Variants in ZNF496 observed in about 807,000 individuals in gnomAD.
ZNF496 encodes the protein NSD1 (nuclear receptor binding SET-domain containing 1)-interacting zinc finger protein 1.
A neutral mutation model predicts 58.9 loss-of-function variants in ZNF496; 11 were observed. The ratio of observed to expected loss-of-function variants is 0.19; its 90% CI spans 0.12 to 0.31. ZNF496 has a LOEUF of 0.31. Among genes scored for constraint, ZNF496 ranks in the 10% least tolerant of loss-of-function variants. ZNF496 has a pLI of 1.00. For missense variants in ZNF496, 660 were observed against 783.0 expected, an observed-to-expected ratio of 0.84 and a Z score of 1.88; for synonymous variants, 338 against 318.2, an observed-to-expected ratio of 1.06 and a Z score of -0.66.
At chr1:247,301,693 G>A (rs74154606) in intron 9 of ZNF496, among the ~76,000 whole-genome samples, 1,920 of 152,282 alleles carry the variant, frequency 0.013, 49 homozygotes, top group African/African-American at 0.044. Flanking sequence ...GGACTTGAGA[G>A]AGGAAGACTC....
chr1:247,329,549 C>T lies in ZNF496; in HGVS notation c.30G>A (p.Leu10=). Residue 10 remains leucine (L), a synonymous_variant, in exon 4 of 10, where the codon TTG becomes TTA. Coordinates refer to ENST00000682384, the MANE Select transcript of ZNF496 (RefSeq NM_032752.3). The surrounding 1 kb of genome is among the most constrained non-coding windows in gnomAD (Gnocchi z 5.5). The part of the protein sequence containing the change: MPTALCPRV[L]APKESEEPRK... Reference sequence around the variant, plus strand: ...TGGGCTCCTCACTTTCCTTCGGAGCCAAGACTCGGGGGCACAGGGCTGTGG... The same window carrying T: ...TGGGCTCCTCACTTTCCTTCGGAGCTAAGACTCGGGGGCACAGGGCTGTGG... The T allele has an allele frequency of 1.3e-6, 2 of 1,569,216 alleles. No homozygotes were observed. The highest frequency in any genetic ancestry group is 1.7e-6 in the Non-Finnish European group (2 of 1,163,754).
chr1:247,329,134 CAA>C lies in ZNF496; in HGVS notation c.390+53_390+54del. 3 of 1,611,644 alleles carry C rather than the reference CAA, an allele frequency of 1.9e-6. No homozygotes were observed. Among genetic ancestry groups the C allele is most frequent in the Non-Finnish European group, 2.5e-6 (3 of 1,179,282 alleles). On this transcript the variant is annotated intron_variant, in intron 4 of 9. Transcript: ENST00000682384. This position sits in a 1 kb window ranked among gnomAD's most constrained non-coding sequence, Gnocchi z 5.5. ...CCAGCCAGCACATGCATGGCCCAGC[CAA>C]AGTGTCTAAGTACCAGATCTCTACC...
At chr1:247,327,362 C>T (rs551303255) in intron 5 of ZNF496, among the ~76,000 whole-genome samples, 1 of 152,220 alleles carries the variant, frequency 6.6e-6, no homozygotes, top group African/African-American at 2.4e-5. Context: ...CCGCGCCCAA[C>T]CCCTAGCTCC....
At position 247,300,686 on chromosome 1, in the gene ZNF496, G is replaced by C; in HGVS notation, c.1597C>G (p.Arg533Gly). The change falls in exon 10 of 10, where the codon CGG (arginine) becomes GGG (glycine). Residue 533 changes from arginine (R) to glycine (G), a missense_variant. Coordinates refer to ENST00000682384, the MANE Select transcript of ZNF496 (RefSeq NM_032752.3). This position sits in a 1 kb window ranked among gnomAD's most constrained non-coding sequence, Gnocchi z 5.7. ...QCCECGKAFQ[R>G]HDHLARHRSH... is the part of the protein sequence containing the mutation. ...CGGTGCCGAGCCAGGTGGTCGTGCCGCTGGAAGGCCTTCCCACACTCACAG... is the reference window on the plus strand; with the variant it reads ...CGGTGCCGAGCCAGGTGGTCGTGCCCCTGGAAGGCCTTCCCACACTCACAG... 6.2e-7 allele frequency: 1 copy of C among 1,614,028 alleles called. No individual in the cohort carries two copies. The highest frequency in any genetic ancestry group is 8.5e-7 in the Non-Finnish European group (1 of 1,180,020).
chr1:247,322,103 G>A (rs573811314), intron 6 of ZNF496, among the ~76,000 whole-genome samples: 8 of 152,208 alleles, frequency 5.3e-5, no homozygotes, highest in African/African-American at 1.7e-4. Context: ...GCAACATGGC[G>A]AGACCCTGTC....
intron 6 of ZNF496, among the ~76,000 whole-genome samples, chr1:247,319,417 C>A (rs1222788710): frequency 1.3e-5 from 2 of 152,146 alleles, no homozygotes; most frequent in African/African-American, 4.8e-5. Context: ...ACACTCAACA[C>A]CACACTAGGT....
At chr1:247,330,965 G>A (rs994888399) in intron 2 of ZNF496, among the ~76,000 whole-genome samples, 1 of 152,248 alleles carries the variant, frequency 6.6e-6, no homozygotes, top group Non-Finnish European at 1.5e-5. Context: ...GCGTCGGGCT[G>A]GACGCATTAC....
intron 6 of ZNF496, chr1:247,311,479 C>T (rs1208196790): frequency 1.4e-5 from 2 of 141,678 alleles, no homozygotes; most frequent in South Asian, 2.2e-4. Flanking sequence ...AGTGGTGAGA[C>T]GGGCACAGGA....
chr1:247,330,366 A>C (rs1473286279), intron 2 of ZNF496, among the ~76,000 whole-genome samples: 2 of 152,154 alleles, frequency 1.3e-5, no homozygotes, highest in East Asian at 3.8e-4. Flanking sequence ...CCTCCACCCT[A>C]TTCTCTATCC....
chr1:247,302,999 C>A (rs886090553), intron 9 of ZNF496, among the ~76,000 whole-genome samples: 3 of 152,166 alleles, frequency 2.0e-5, no homozygotes. Context: ...ATTATGAGAG[C>A]AGACAGTGCA....
At chr1:247,304,878 G>A (rs1341150598) in intron 9 of ZNF496, among the ~76,000 whole-genome samples, 1 of 150,994 alleles carries the variant, frequency 6.6e-6, no homozygotes, top group African/African-American at 2.4e-5. Flanking sequence ...TACCTGATTT[G>A]AGATGTTGAT....
At position 247,309,819 on chromosome 1, in the gene ZNF496, A is replaced by G; in HGVS notation, c.785-13T>C. 6.2e-7 allele frequency: 1 copy of G among 1,613,928 alleles called. No homozygotes were observed. Among genetic ancestry groups the G allele is most frequent in the Admixed American group, 1.7e-5 (1 of 60,010 alleles). On this transcript the variant is annotated splice_polypyrimidine_tract_variant and intron_variant, in intron 7 of 9. Coordinates refer to ENST00000682384, the MANE Select transcript of ZNF496 (RefSeq NM_032752.3). This position sits in a 1 kb window ranked among gnomAD's most constrained non-coding sequence, Gnocchi z 4.3. The stretch of plus-strand genomic sequence containing the variant: ...GCAGCTAGGTCGTCTGTTCAAAGAA[A>G]AAGGCAGGGTACATGTTTATTAGTA...
chr1:247,310,046 AC>A, intron 7 of ZNF496: 1 of 1,427,834 alleles, frequency 7.0e-7, no homozygotes, highest in Non-Finnish European at 9.1e-7. Flanking sequence ...AAGGGACAAA[AC>A]GGTAAGAACG....
At chr1:247,321,996 T>A (rs1659978993) in intron 6 of ZNF496, among the ~76,000 whole-genome samples, 1 of 152,196 alleles carries the variant, frequency 6.6e-6, no homozygotes, top group Admixed American at 6.5e-5. Context: ...TTTAAAGTCA[T>A]GTTGGCTGGG....
In ZNF496 at chr1:247,308,754, A is replaced by G. The variant is rs1659498926; in HGVS notation, c.893-166T>C. 3.3e-6 allele frequency: 2 copies of G among 602,732 alleles called. No individual in the cohort carries two copies. Among genetic ancestry groups the G allele is most frequent in the African/African-American group, 3.7e-5 (2 of 53,708 alleles). 37.3% of individuals were successfully genotyped at this position (602,732 alleles called of 1,614,324 possible). Reference sequence around the variant, plus strand: ...TCAATAAGTGTCTGCTGAGTGAATGAACCTGAAGGCAAAATGGGCCAACTC... The same window carrying G: ...TCAATAAGTGTCTGCTGAGTGAATGGACCTGAAGGCAAAATGGGCCAACTC... On this transcript the variant is annotated intron_variant, in intron 8 of 9. Coordinates refer to ENST00000682384, the MANE Select transcript of ZNF496 (RefSeq NM_032752.3). This position sits in a 1 kb window ranked among gnomAD's most constrained non-coding sequence, Gnocchi z 4.5.
intron 6 of ZNF496, among the ~76,000 whole-genome samples, chr1:247,319,041 G>A (rs1293356064): frequency 2.0e-5 from 3 of 152,182 alleles, no homozygotes; most frequent in African/African-American, 7.2e-5. Flanking sequence ...GTGCAGTGAT[G>A]CAATCACAGC....
rs146950883 is a variant in ZNF496, at chr1:247,309,374, A to C, written c.892+325T>G. 4 of 1,149,244 alleles carry C rather than the reference A, an allele frequency of 3.5e-6. No homozygotes were observed. The African/African-American group carries it at 6.4e-5, about 18-fold the overall frequency. 71.2% of individuals were successfully genotyped at this position (1,149,244 alleles called of 1,614,324 possible). ...CACTCCCTCTGCAACTAGGCTTGTCATGAGTATCTGACTTCACTCCTGGAG... is the reference window on the plus strand; with the variant it reads ...CACTCCCTCTGCAACTAGGCTTGTCCTGAGTATCTGACTTCACTCCTGGAG... On this transcript the variant is annotated intron_variant, in intron 8 of 9. Transcript: ENST00000682384. The surrounding 1 kb of genome is among the most constrained non-coding windows in gnomAD (Gnocchi z 4.3).
chr1:247,302,265 CAGG>C (rs1009708092), intron 9 of ZNF496, among the ~76,000 whole-genome samples: 3 of 151,938 alleles, frequency 2.0e-5, no homozygotes, highest in South Asian at 2.1e-4. Context: ...CAGCTCAGGA[CAGG>C]AGAAGTTGGA....
At chr1:247,305,908 C>T (rs1317297044) in intron 9 of ZNF496, among the ~76,000 whole-genome samples, 1 of 152,152 alleles carries the variant, frequency 6.6e-6, no homozygotes, top group Non-Finnish European at 1.5e-5. Context: ...AAAGAGACCC[C>T]ATCTTTAAAA....
Sources: allele counts gnomAD v4.1 joint callset (sites outside exome capture counted in the v4.1 genomes callset), GRCh38; gene constraint gnomAD v4.1.1; non-coding constraint Gnocchi (gnomAD v3.1); transcripts MANE v1.5; gene names NCBI Gene and HGNC (gene_info 2026-07-23, HGNC 2026-07-21).